Variants in CHRM3 observed in about 807,000 individuals in gnomAD.
CHRM3 encodes the protein cholinergic receptor muscarinic 3, also known as muscarinic acetylcholine receptor M3.
In CHRM3, 11 loss-of-function variants were observed where a neutral mutation model predicts 41.8. That is an observed-to-expected ratio of 0.26 (90% CI 0.17 to 0.44). The LOEUF is 0.44. Ranked by LOEUF, CHRM3 falls within the 20% of genes least tolerant of loss-of-function variation. The pLI is 1.00. For synonymous variants in CHRM3, 297 were observed against 301.4 expected (o/e 0.99, Z 0.15); for missense variants, 571 against 745.4 (o/e 0.77, Z 2.72).
chr1:239,571,415 A>G (rs887965426), intron 3 of CHRM3, among the ~76,000 whole-genome samples: 2 of 152,200 alleles, frequency 1.3e-5, no homozygotes, highest in Admixed American at 6.5e-5. Context: ...AAATGAATTC[A>G]AATCCACACT....
chr1:239,823,121 A>G (rs1352645561), intron 5 of CHRM3, among the ~76,000 whole-genome samples: 1 of 152,206 alleles, frequency 6.6e-6, no homozygotes, highest in Non-Finnish European at 1.5e-5. Context: ...CTCGCACATA[A>G]CCTAATAAGC....
At chr1:239,683,320 A>C (rs1363353740) in intron 5 of CHRM3, among the ~76,000 whole-genome samples, 1 of 152,202 alleles carries the variant, frequency 6.6e-6, no homozygotes, top group Non-Finnish European at 1.5e-5. Context: ...TGAACTAGAT[A>C]CATGAAGTAA....
intron 1 of CHRM3, among the ~76,000 whole-genome samples, chr1:239,448,886 A>G (rs1016337583): frequency 4.6e-5 from 7 of 152,200 alleles, no homozygotes; most frequent in African/African-American, 1.4e-4. Context: ...AAACTCTTCA[A>G]ACATCAACAT....
At chr1:239,713,057 C>T (rs1311436464) in intron 5 of CHRM3, among the ~76,000 whole-genome samples, 1 of 152,130 alleles carries the variant, frequency 6.6e-6, no homozygotes, top group Non-Finnish European at 1.5e-5. Context: ...CAAACACTGC[C>T]CGCTAAGCCC....
intron 5 of CHRM3, among the ~76,000 whole-genome samples, chr1:239,681,937 G>T (rs1233998357): frequency 6.6e-6 from 1 of 152,088 alleles, no homozygotes; most frequent in African/African-American, 2.4e-5. Flanking sequence ...AACATGTGAG[G>T]CATGGTTACC....
At chr1:239,868,034 C>CAGT (rs1257145509) in intron 6 of CHRM3, among the ~76,000 whole-genome samples, 3 of 152,298 alleles carry the variant, frequency 2.0e-5, no homozygotes, top group African/African-American at 7.2e-5. Flanking sequence ...GGACCAAAGC[C>CAGT]CACTGCAAGT....
chr1:239,529,785 C>T (rs1670258856), intron 2 of CHRM3, among the ~76,000 whole-genome samples: 1 of 152,162 alleles, frequency 6.6e-6, no homozygotes, highest in South Asian at 2.1e-4. Flanking sequence ...TTACTCTATG[C>T]AGGTTCAGTG....
intron 3 of CHRM3, among the ~76,000 whole-genome samples, chr1:239,583,502 C>T (rs1031191332): frequency 5.9e-5 from 9 of 152,020 alleles, no homozygotes; most frequent in Non-Finnish European, 1.0e-4. Context: ...GACGGGACGT[C>T]GACACAGAGA....
intron 1 of CHRM3, among the ~76,000 whole-genome samples, chr1:239,491,067 C>G (rs1056133549): frequency 6.6e-6 from 1 of 152,072 alleles, no homozygotes; most frequent in Admixed American, 6.6e-5. Context: ...ATTCACACAT[C>G]ATAATTATAC....
chr1:239,685,382 G>A (rs1237371389), intron 5 of CHRM3, among the ~76,000 whole-genome samples: 1 of 152,136 alleles, frequency 6.6e-6, no homozygotes, highest in African/African-American at 2.4e-5. Context: ...ACTATTAGTG[G>A]CAATTCATTG....
At chr1:239,419,046 A>G (rs1558209192) in intron 1 of CHRM3, among the ~76,000 whole-genome samples, 2 of 152,206 alleles carry the variant, frequency 1.3e-5, no homozygotes, top group South Asian at 2.1e-4. Context: ...ACGCCCTGGT[A>G]GAACACATTT....
chr1:239,485,915 G>A (rs538720241), intron 1 of CHRM3, among the ~76,000 whole-genome samples: 1 of 152,288 alleles, frequency 6.6e-6, no homozygotes, highest in East Asian at 1.9e-4. Context: ...GGTACGGTCT[G>A]TATTGTTTCT....
chr1:239,801,060 T>C (rs1002063386), intron 5 of CHRM3, among the ~76,000 whole-genome samples: 2 of 152,208 alleles, frequency 1.3e-5, no homozygotes, highest in African/African-American at 4.8e-5. Context: ...CAGGGAGGCT[T>C]AATTAGGTAG....
intron 3 of CHRM3, among the ~76,000 whole-genome samples, chr1:239,582,377 T>G (rs560536970): frequency 9.2e-5 from 14 of 152,310 alleles, no homozygotes; most frequent in Non-Finnish European, 2.1e-4. Context: ...ACTTTCCTTT[T>G]GAGAGTTATT....
At chr1:239,559,785 G>A (rs996580456) in intron 3 of CHRM3, among the ~76,000 whole-genome samples, 2 of 152,098 alleles carry the variant, frequency 1.3e-5, no homozygotes, top group Non-Finnish European at 2.9e-5. Context: ...CTATACCACT[G>A]GAGTTATGGA....
intron 4 of CHRM3, among the ~76,000 whole-genome samples, chr1:239,672,274 A>G (rs936387790): frequency 6.6e-6 from 1 of 152,156 alleles, no homozygotes; most frequent in African/African-American, 2.4e-5. Context: ...GCAGCACTCT[A>G]GGGCTCTGTG....
At chr1:239,854,111 T>C (rs1674914658) in intron 6 of CHRM3, among the ~76,000 whole-genome samples, 1 of 152,086 alleles carries the variant, frequency 6.6e-6, no homozygotes. Flanking sequence ...AAAATACCTA[T>C]TTCAGTAAAT....
At position 239,911,030 on chromosome 1, in the gene CHRM3, ATTCT is replaced by A. The variant is rs2103063816; in HGVS notation, c.*1809_*1812del. The stretch of plus-strand genomic sequence containing the variant: ...TCAGCCATGGTGTCCTTTCAAAGTG[ATTCT>A]TTAAGGTCCACTTGAGCAATGAATA... On this transcript the variant is annotated 3_prime_UTR_variant, in exon 7 of 7. Coordinates refer to ENST00000676153, the MANE Select transcript of CHRM3 (RefSeq NM_001375978.1). 6.0e-6 allele frequency: 1 copy of A among 167,198 alleles called. No individual in the cohort carries two copies. The highest frequency in any genetic ancestry group is 2.4e-5 in the African/African-American group (1 of 41,566). 10.4% of individuals were successfully genotyped at this position (167,198 alleles called of 1,614,324 possible).
At chr1:239,548,598 TG>T (rs1558309379) in intron 3 of CHRM3, among the ~76,000 whole-genome samples, 2 of 152,316 alleles carry the variant, frequency 1.3e-5, no homozygotes, top group South Asian at 4.1e-4. Flanking sequence ...GTAGTGGTTA[TG>T]GGGGAAGCTT....
Sources: allele counts gnomAD v4.1 joint callset (sites outside exome capture counted in the v4.1 genomes callset), GRCh38; gene constraint gnomAD v4.1.1; transcripts MANE v1.5; gene names NCBI Gene and HGNC (gene_info 2026-07-23, HGNC 2026-07-21).